FAM241A: variants seen among roughly 807,000 people sequenced by gnomAD.
FAM241A encodes family with sequence similarity 241 member A.
A neutral mutation model predicts 12.2 loss-of-function variants in FAM241A; 7 were observed. The observed-to-expected ratio is 0.58, with a 90% CI of 0.33 to 1.08. The LOEUF (loss-of-function observed/expected upper bound fraction) is 1.08, where lower values mean the gene tolerates loss of function less well. FAM241A is among the 50% of genes least tolerant of loss of function. The pLI is 0.04. For synonymous variants in FAM241A, 74 were observed against 68.2 expected (o/e 1.08, Z -0.42); for missense variants, 161 against 169.7 (o/e 0.95, Z 0.29).
rs1467017046 is a variant in FAM241A, at chr4:112,145,748, G to A, written c.153+15G>A. 1.2e-5 allele frequency: 14 copies of A among 1,179,494 alleles called. No homozygotes were observed. The highest frequency in any genetic ancestry group is 1.3e-5 in the Non-Finnish European group (12 of 954,452). 73.1% of individuals were successfully genotyped at this position (1,179,494 alleles called of 1,614,324 possible). ...AGAGCGAGCAGGTGAGCGCGGGGAGGGGCGGCGGCGAAGCGGCCGGGTCGG... is the reference window on the plus strand; with the variant it reads ...AGAGCGAGCAGGTGAGCGCGGGGAGAGGCGGCGGCGAAGCGGCCGGGTCGG... On this transcript the variant is annotated intron_variant, in intron 1 of 1. Coordinates refer to ENST00000309733, the MANE Select transcript of FAM241A (RefSeq NM_152400.3).
At chr4:112,170,219 G>A (rs1353564862) in intron 1 of FAM241A, among the ~76,000 whole-genome samples, 1 of 152,098 alleles carries the variant, frequency 6.6e-6, no homozygotes, top group Non-Finnish European at 1.5e-5. Flanking sequence ...GAAGTTCATT[G>A]TTCTTTGTTT....
At chr4:112,171,776 A>T (rs917312830) in intron 1 of FAM241A, among the ~76,000 whole-genome samples, 1 of 151,960 alleles carries the variant, frequency 6.6e-6, no homozygotes, top group Non-Finnish European at 1.5e-5. Flanking sequence ...GGAGAATGGC[A>T]TGAACCTGGG....
chr4:112,171,476 G>A (rs1321496822), intron 1 of FAM241A: 5 of 778,540 alleles, frequency 6.4e-6, no homozygotes, highest in Admixed American at 5.1e-5. Flanking sequence ...AAAGATGCAA[G>A]CATTTTGAAC....
intron 1 of FAM241A, among the ~76,000 whole-genome samples, chr4:112,179,943 A>ATATATG (rs1553921438): frequency 1.5e-5 from 2 of 129,512 alleles, no homozygotes; most frequent in Admixed American, 1.6e-4. Context: ...ATATATGTAT[A>ATATATG]TGTGTGTGTG....
intron 1 of FAM241A, among the ~76,000 whole-genome samples, chr4:112,152,984 T>A (rs921828899): frequency 3.3e-5 from 5 of 152,244 alleles, no homozygotes; most frequent in Non-Finnish European, 5.9e-5. Flanking sequence ...TCACCTTTTC[T>A]ATTTTTCTTC....
intron 1 of FAM241A, among the ~76,000 whole-genome samples, chr4:112,163,876 A>G (rs1328829915): frequency 6.6e-6 from 1 of 152,234 alleles, no homozygotes; most frequent in East Asian, 1.9e-4. Flanking sequence ...AGTGTCCATC[A>G]GTGATAGACT....
chr4:112,161,176 A>G (rs1723459317), intron 1 of FAM241A, among the ~76,000 whole-genome samples: 1 of 152,234 alleles, frequency 6.6e-6, no homozygotes, highest in African/African-American at 2.4e-5. Flanking sequence ...GTAGAGGGAA[A>G]TTTATAGCAC....
intron 1 of FAM241A, among the ~76,000 whole-genome samples, chr4:112,180,248 G>A (rs1171456019): frequency 6.6e-6 from 1 of 151,874 alleles, no homozygotes; most frequent in East Asian, 1.9e-4. Flanking sequence ...ACTACCTATT[G>A]GGTACTATGC....
intron 1 of FAM241A, among the ~76,000 whole-genome samples, chr4:112,157,574 A>C (rs1221841075): frequency 6.6e-6 from 1 of 152,138 alleles, no homozygotes; most frequent in African/African-American, 2.4e-5. Context: ...ATTCTATTCC[A>C]GTCTTCTTGC....
In FAM241A at chr4:112,145,674, G is replaced by T. The variant is rs1209961364; in HGVS notation, c.94G>T (p.Gly32Trp). Residue 32 changes from glycine (G) to tryptophan (W), a missense_variant, in exon 1 of 2, where the codon GGG becomes TGG. Gly to Trp is a radical substitution (Grantham distance 184). Coordinates refer to ENST00000309733, the MANE Select transcript of FAM241A (RefSeq NM_152400.3). ...ALAEREAAGTGWDPGASPRRR... is the reference protein window; with the variant it reads ...ALAEREAAGTWWDPGASPRRR... ...GGCGGAGCGGGAGGCGGCAGGGACC[G>T]GGTGGGATCCCGGGGCGAGCCCGCG... 3.3e-6 allele frequency: 4 copies of T among 1,214,774 alleles called. No individual in the cohort carries two copies. Among genetic ancestry groups the T allele is most frequent in the Non-Finnish European group, 4.1e-6 (4 of 976,588 alleles). 75.2% of individuals were successfully genotyped at this position (1,214,774 alleles called of 1,614,324 possible).
intron 1 of FAM241A, among the ~76,000 whole-genome samples, chr4:112,183,922 C>A (rs944295714): frequency 6.6e-6 from 1 of 150,784 alleles, no homozygotes; most frequent in Non-Finnish European, 1.5e-5. Flanking sequence ...TATCAAAGTA[C>A]AAGAAACATA....
rs962726357 is a variant in FAM241A, at chr4:112,173,767, A to G, written c.154-12926A>G. 2.6e-5 allele frequency among the ~76,000 whole-genome samples: 4 copies of G among 152,262 alleles called. No homozygotes were observed. In the East Asian group the frequency reaches 7.7e-4, roughly 29 times the overall value. On this transcript the variant is annotated intron_variant, in intron 1 of 1. Coordinates refer to ENST00000309733, the MANE Select transcript of FAM241A (RefSeq NM_152400.3). ...TTCCAGAGAACTAGCTACCTACCAT[A>G]CAGCGTCCTCTGATTCAGCCTCACA...
chr4:112,168,976 T>C (rs1266474692), intron 1 of FAM241A, among the ~76,000 whole-genome samples: 3 of 152,240 alleles, frequency 2.0e-5, no homozygotes, highest in African/African-American at 7.2e-5. Flanking sequence ...TGGATACTTC[T>C]ATTAGTCATG....
intron 1 of FAM241A, among the ~76,000 whole-genome samples, chr4:112,161,079 G>T (rs144855962): frequency 2.0e-5 from 3 of 152,164 alleles, no homozygotes; most frequent in Admixed American, 2.0e-4. Flanking sequence ...AAGTTAAAAA[G>T]CTGCACAGAA....
chr4:112,160,564 T>G (rs1428976261), intron 1 of FAM241A, among the ~76,000 whole-genome samples: 1 of 152,120 alleles, frequency 6.6e-6, no homozygotes, highest in Non-Finnish European at 1.5e-5. Context: ...TTCCCGAAAT[T>G]TATTTACACT....
chr4:112,171,976 A>T (rs1015429517), intron 1 of FAM241A, among the ~76,000 whole-genome samples: 2 of 152,242 alleles, frequency 1.3e-5, no homozygotes, highest in Non-Finnish European at 2.9e-5. Flanking sequence ...AAACTGATAC[A>T]TTGAAACAAT....
intron 1 of FAM241A, among the ~76,000 whole-genome samples, chr4:112,176,693 A>G (rs1385146555): frequency 6.6e-6 from 1 of 152,186 alleles, no homozygotes; most frequent in Non-Finnish European, 1.5e-5. Context: ...AGGATTTTGA[A>G]TCAGTTAGAA....
chr4:112,145,853 T>G, intron 1 of FAM241A, 120 bp downstream of exon 1: 1 of 534,734 alleles, frequency 1.9e-6, no homozygotes, highest in Non-Finnish European at 2.5e-6. Context: ...GCGTGGGCAC[T>G]GGCTCCCCGG....
intron 1 of FAM241A, among the ~76,000 whole-genome samples, chr4:112,155,565 C>T (rs1723336539): frequency 6.6e-6 from 1 of 151,382 alleles, no homozygotes; most frequent in Admixed American, 6.6e-5. Flanking sequence ...TTAGATGAAG[C>T]CTTATATAGG....
Sources: gnomAD v4.1 joint callset for allele counts (sites outside exome capture counted in the v4.1 genomes callset) on GRCh38, gnomAD v4.1.1 for gene constraint, MANE v1.5 for transcripts, NCBI Gene and HGNC (gene_info 2026-07-23, HGNC 2026-07-21) for gene names.